SMPDL3A: variants seen among roughly 807,000 people sequenced by gnomAD.
The protein encoded by SMPDL3A is cyclic GMP-AMP phosphodiesterase SMPDL3A.
SMPDL3A carries 39 observed loss-of-function variants against 38.5 expected under a neutral mutation model. That is an observed-to-expected ratio of 1.01 (90% confidence interval 0.78 to 1.32). The LOEUF is 1.32. Among genes scored for constraint, SMPDL3A ranks in the 40% most tolerant of loss-of-function variants. SMPDL3A has a pLI of 0.00. For missense variants in SMPDL3A, 502 were observed against 536.2 expected, an observed-to-expected ratio of 0.94 and a Z score of 0.63; for synonymous variants, 180 against 194.3, an observed-to-expected ratio of 0.93 and a Z score of 0.61.
chr6:122,807,486 G>A (rs967016997), intron 7 of SMPDL3A, among the ~76,000 whole-genome samples: 7 of 152,232 alleles, frequency 4.6e-5, no homozygotes, highest in South Asian at 2.1e-4. Context: ...GCGACAGAGC[G>A]AGACTCCGTC....
Position 122,799,509 on chromosome 6 carries a change from A to G in SMPDL3A, c.472-1801A>G, listed in dbSNP as rs146943055. ...TTCTAAGCTTCTCCATCACCACACC[A>G]TACTTGGCATCCATCCCAAAGTAAA... On this transcript the variant is annotated intron_variant, in intron 3 of 7. Transcript: ENST00000368440. Among the ~76,000 whole-genome samples the G allele has an allele frequency of 1.2e-3, 189 of 152,344 alleles. 1 individual carries two copies. The highest frequency in any genetic ancestry group is 4.4e-3 in the African/African-American group (182 of 41,576).
Position 122,801,370 on chromosome 6 carries a change from T to C in SMPDL3A, c.532T>C (p.Trp178Arg), listed in dbSNP as rs1781425400. ...YNAVANLWKP[W>R]LDEEAISTLR... ...TGCAGTAGCAAACCTCTGGAAACCA[T>C]GGCTAGATGAAGAAGCTATTAGTAC... is the stretch of plus-strand genomic sequence containing the variant. The change falls in exon 4 of 8, where the codon TGG (tryptophan) becomes CGG (arginine). Residue 178 changes from tryptophan to arginine, a missense_variant. Coordinates refer to ENST00000368440, the MANE Select transcript of SMPDL3A (RefSeq NM_006714.5). The C allele has an allele frequency of 1.9e-6, 3 of 1,613,216 alleles. No individual in the cohort carries two copies. The highest frequency in any genetic ancestry group is 1.7e-4 in the Middle Eastern group (1 of 6,060).
chr6:122,808,605 CCCTCCCTTCCTTCCTT>C (rs1429380868), intron 7 of SMPDL3A, among the ~76,000 whole-genome samples: 30 of 64,804 alleles, frequency 4.6e-4, no homozygotes, highest in East Asian at 3.1e-3. Flanking sequence ...CTCCCTCCCT[CCCTCCCTTCCTTCCTT>C]CCTTCCTTCC....
At chr6:122,800,957 G>C (rs377717565) in intron 3 of SMPDL3A, among the ~76,000 whole-genome samples, 1 of 152,118 alleles carries the variant, frequency 6.6e-6, no homozygotes, top group East Asian at 1.9e-4. Flanking sequence ...CACCATATTG[G>C]CCAGACACTT....
chr6:122,794,434 A>G (rs1015539820), intron 1 of SMPDL3A, among the ~76,000 whole-genome samples: 4 of 152,006 alleles, frequency 2.6e-5, no homozygotes, highest in African/African-American at 7.3e-5. Flanking sequence ...CGTCTCTACT[A>G]AAAATACAAA....
intron 1 of SMPDL3A, among the ~76,000 whole-genome samples, chr6:122,794,232 C>G (rs541481908): frequency 6.6e-6 from 1 of 152,240 alleles, no homozygotes; most frequent in South Asian, 2.1e-4. Flanking sequence ...ATCACAGTGC[C>G]TGGCACATAG....
intron 6 of SMPDL3A, among the ~76,000 whole-genome samples, chr6:122,805,802 C>T (rs1341413915): frequency 1.3e-5 from 2 of 152,054 alleles, no homozygotes; most frequent in East Asian, 3.9e-4. Flanking sequence ...ACCATGTTGG[C>T]CAGGAAGGTC....
chr6:122,804,801 T>C, intron 5 of SMPDL3A, 108 bp from the exon 6 acceptor site: 1 of 893,486 alleles, frequency 1.1e-6, no homozygotes. Context: ...ATATTTGCTT[T>C]CTAAATTTTA....
In SMPDL3A at chr6:122,809,056, A is replaced by G. The variant is rs73550168; in HGVS notation, c.1045-35A>G. 19 of 1,548,986 alleles carry G rather than the reference A, an allele frequency of 1.2e-5. No homozygotes were observed. In the African/African-American group the frequency reaches 2.3e-4, roughly 19 times the overall value. ...TTGTACAATGCCTTATGTGCCAAAA[A>G]GTGAACCAGGTTTTGTTACTGTTCT... On this transcript the variant is annotated intron_variant, in intron 7 of 7. Coordinates refer to ENST00000368440, the MANE Select transcript of SMPDL3A (RefSeq NM_006714.5).
At position 122,807,950 on chromosome 6, in the gene SMPDL3A, T is replaced by C. The variant is rs568364138; in HGVS notation, c.1045-1141T>C. Among the ~76,000 whole-genome samples, 9 of 152,344 alleles carry C rather than the reference T, an allele frequency of 5.9e-5. 1 individual carries two copies. The highest frequency in any genetic ancestry group is 5.9e-4 in the Admixed American group (9 of 15,302). On this transcript the variant is annotated intron_variant, in intron 7 of 7. Transcript: ENST00000368440. ...ACACACGTATATATCCATCTATATA[T>C]GTGTTTATGTATCTAATACACAGCA...
At chr6:122,801,256 A>C in intron 3 of SMPDL3A, 54 bp from the exon 4 acceptor site, 2 of 1,250,518 alleles carry the variant, frequency 1.6e-6, no homozygotes, top group East Asian at 2.3e-5. Flanking sequence ...TGTTTACATT[A>C]ATTCAGCTGT....
At chr6:122,789,575 C>A in intron 1 of SMPDL3A, 117 bp downstream of exon 1, 1 of 1,010,332 alleles carries the variant, frequency 9.9e-7, no homozygotes, top group Non-Finnish European at 1.5e-6. Flanking sequence ...CTCGGGCTAG[C>A]GGGGCCCCTG....
chr6:122,790,257 C>T, intron 1 of SMPDL3A, among the ~76,000 whole-genome samples: 1 of 152,282 alleles, frequency 6.6e-6, no homozygotes, highest in Non-Finnish European at 1.5e-5. Flanking sequence ...GTTGGGCTTC[C>T]ACAGTATGCT....
Position 122,795,753 on chromosome 6 carries a change from T to G in SMPDL3A, c.189T>G (p.Ala63=). ...HITDDHTKVC[A]SSKGANASNP... is the part of the protein sequence containing the mutation. ...CAGATGACCACACAAAAGTGTGTGC[T>G]TCATCTAAAGGTGCAAATGCCTCCA... is the stretch of plus-strand genomic sequence containing the variant. Residue 63 remains alanine, a synonymous_variant, in exon 2 of 8, where the codon GCT becomes GCG. Coordinates refer to ENST00000368440, the MANE Select transcript of SMPDL3A (RefSeq NM_006714.5). 6.2e-7 allele frequency: 1 copy of G among 1,614,190 alleles called. No individual in the cohort carries two copies. The highest frequency in any genetic ancestry group is 8.5e-7 in the Non-Finnish European group (1 of 1,180,008).
chr6:122,804,171 A>G (rs1781524369), intron 5 of SMPDL3A, among the ~76,000 whole-genome samples: 1 of 151,678 alleles, frequency 6.6e-6, no homozygotes. Context: ...TATTTTTAGC[A>G]GAGACGGGGT....
chr6:122,799,433 G>T lies in SMPDL3A; in HGVS notation c.472-1877G>T, dbSNP rs532262158. On this transcript the variant is annotated intron_variant, in intron 3 of 7. Coordinates refer to ENST00000368440, the MANE Select transcript of SMPDL3A (RefSeq NM_006714.5). ...AAGCCATCTAACTTCTCTGGTGCTT[G>T]TGTTTCTCATGTTTAAAATAGAGAA... is the stretch of plus-strand genomic sequence containing the variant. 2.0e-5 allele frequency among the ~76,000 whole-genome samples: 3 copies of T among 152,278 alleles called. No individual in the cohort carries two copies. The South Asian group carries it at 6.2e-4, about 32-fold the overall frequency.
chr6:122,803,904 G>T (rs1781508430), intron 5 of SMPDL3A, 71 bp downstream of exon 5: 5 of 1,212,052 alleles, frequency 4.1e-6, no homozygotes, highest in South Asian at 4.0e-5. Context: ...TAAACTCGGG[G>T]TAGACTCCAG....
intron 7 of SMPDL3A, among the ~76,000 whole-genome samples, chr6:122,806,826 G>A (rs1781637886): frequency 6.6e-6 from 1 of 152,154 alleles, no homozygotes; most frequent in Non-Finnish European, 1.5e-5. Context: ...TATGAGGATT[G>A]CATGAACAAA....
chr6:122,795,219 A>G (rs919654016), intron 1 of SMPDL3A, among the ~76,000 whole-genome samples: 3 of 151,916 alleles, frequency 2.0e-5, no homozygotes, highest in African/African-American at 7.3e-5. Context: ...TCAGCTTACC[A>G]CAACCTCCAC....
Sources: gnomAD v4.1 joint callset for allele counts (sites outside exome capture counted in the v4.1 genomes callset) on GRCh38, gnomAD v4.1.1 for gene constraint, MANE v1.5 for transcripts, NCBI Gene and HGNC (gene_info 2026-07-23, HGNC 2026-07-21) for gene names.